Variants in DPP10 observed in about 807,000 individuals in gnomAD.
DPP10 encodes the protein dipeptidyl peptidase like 10, also known as inactive dipeptidyl peptidase 10.
DPP10 carries 33 observed loss-of-function variants against 120.9 expected under a neutral mutation model. The ratio of observed to expected loss-of-function variants is 0.27; its 90% CI spans 0.21 to 0.37. The LOEUF (loss-of-function observed/expected upper bound fraction) is 0.37, where lower values mean the gene tolerates loss of function less well. DPP10 is among the 10% of genes least tolerant of loss of function. The pLI is 1.00. For synonymous variants in DPP10, 337 were observed against 326.1 expected (o/e 1.03, Z -0.36); for missense variants, 816 against 942.8 (o/e 0.87, Z 1.76).
chr2:115,409,839 G>T (rs924901249), intron 3 of DPP10, among the ~76,000 whole-genome samples: 2 of 152,128 alleles, frequency 1.3e-5, no homozygotes, highest in African/African-American at 2.4e-5. Context: ...GCCATAAAAA[G>T]AAACAAAATA....
At chr2:115,479,484 G>C (rs1477276277) in intron 3 of DPP10, among the ~76,000 whole-genome samples, 1 of 152,082 alleles carries the variant, frequency 6.6e-6, no homozygotes. Context: ...AAGATAGGTG[G>C]TGGCAATGGT....
chr2:114,622,609 G>C (rs1436055472), intron 1 of DPP10, among the ~76,000 whole-genome samples: 1 of 151,954 alleles, frequency 6.6e-6, no homozygotes, highest in Non-Finnish European at 1.5e-5. Context: ...CAACTCTAGG[G>C]GTGAACAATC....
intron 3 of DPP10, among the ~76,000 whole-genome samples, chr2:115,483,005 A>G: frequency 6.6e-6 from 1 of 152,070 alleles, no homozygotes; most frequent in Non-Finnish European, 1.5e-5. Flanking sequence ...AGTCTTATTC[A>G]AAGTAATTGG....
At chr2:115,393,310 CAAA>C (rs3980955) in intron 3 of DPP10, among the ~76,000 whole-genome samples, 3,059 of 144,428 alleles carry the variant, frequency 0.021, 57 homozygotes, top group Non-Finnish European at 0.03. Flanking sequence ...AAGACTGTCT[CAAA>C]AAAAAAAAAA....
chr2:115,272,966 A>G (rs995970468), intron 1 of DPP10, among the ~76,000 whole-genome samples: 10 of 152,312 alleles, frequency 6.6e-5, no homozygotes, highest in African/African-American at 2.2e-4. Context: ...GCACTGTAAC[A>G]TGCTATTATT....
At chr2:115,232,966 C>A (rs1365321338) in intron 1 of DPP10, among the ~76,000 whole-genome samples, 1 of 152,006 alleles carries the variant, frequency 6.6e-6, no homozygotes, top group African/African-American at 2.4e-5. Flanking sequence ...TAATCACTTG[C>A]AATAGCTAAT....
intron 1 of DPP10, among the ~76,000 whole-genome samples, chr2:114,536,262 A>G (rs567154173): frequency 6.6e-6 from 1 of 152,102 alleles, no homozygotes; most frequent in Admixed American, 6.6e-5. Flanking sequence ...CTGCCAACAG[A>G]TGAATCTTTT....
chr2:115,513,468 TCTCA>T (rs1409223077), intron 4 of DPP10, among the ~76,000 whole-genome samples: 1 of 151,986 alleles, frequency 6.6e-6, no homozygotes, highest in African/African-American at 2.4e-5. Context: ...TTCTTGGATT[TCTCA>T]CTCCTTTTTT....
At chr2:115,580,135 C>T (rs2081931571) in intron 5 of DPP10, 1 of 152,160 alleles carries the variant, frequency 6.6e-6, no homozygotes, top group Non-Finnish European at 1.5e-5. Context: ...AGGATATGGT[C>T]TTGTTCCTTT....
intron 1 of DPP10, among the ~76,000 whole-genome samples, chr2:115,120,952 A>C (rs960884364): frequency 1.3e-5 from 2 of 152,242 alleles, no homozygotes; most frequent in Non-Finnish European, 2.9e-5. Context: ...CTGTGCAAGT[A>C]CTACGAAGAG....
At chr2:114,834,676 CACACCTAT>C (rs1687511701) in intron 1 of DPP10, among the ~76,000 whole-genome samples, 2 of 130,172 alleles carry the variant, frequency 1.5e-5, no homozygotes, top group Non-Finnish European at 1.6e-5. Context: ...GCCATATCTA[CACACCTAT>C]GTATATATAA....
In DPP10 at chr2:114,712,247, G is replaced by C. The variant is rs531495634; in HGVS notation, c.60+269409G>C. Among the ~76,000 whole-genome samples, 8 of 152,296 alleles carry C rather than the reference G, an allele frequency of 5.3e-5. No homozygotes were observed. In the South Asian group the frequency reaches 1.7e-3, roughly 32 times the overall value. On this transcript the variant is annotated intron_variant, in intron 1 of 25. Coordinates refer to ENST00000410059, the MANE Select transcript of DPP10 (RefSeq NM_020868.6). ...AGGCATGAGAATTGCTTGAACTCAG[G>C]AGATGGAGGTTGCAGTGAGCCGAGA...
At chr2:115,005,698 C>G (rs1701771222) in intron 1 of DPP10, among the ~76,000 whole-genome samples, 1 of 151,824 alleles carries the variant, frequency 6.6e-6, no homozygotes, top group East Asian at 1.9e-4. Flanking sequence ...GCAAAGCCTC[C>G]AAGAAATATG....
At chr2:114,902,475 G>A (rs1413146657) in intron 1 of DPP10, among the ~76,000 whole-genome samples, 1 of 151,992 alleles carries the variant, frequency 6.6e-6, no homozygotes, top group African/African-American at 2.4e-5. Flanking sequence ...GATTGCTATT[G>A]CTTTAAAATA....
chr2:115,468,306 G>C (rs370355193), intron 3 of DPP10: 1 of 514,654 alleles, frequency 1.9e-6, no homozygotes, highest in African/African-American at 1.9e-5. Flanking sequence ...TGGCCAGAGG[G>C]CTCTGCCAAA....
At chr2:115,805,889 A>G (rs993345374) in intron 19 of DPP10, among the ~76,000 whole-genome samples, 17 of 152,066 alleles carry the variant, frequency 1.1e-4, no homozygotes, top group Admixed American at 4.6e-4. Context: ...CTGTGCTTTC[A>G]TAAGAACTTG....
chr2:114,976,403 T>C (rs1318597624), intron 1 of DPP10, among the ~76,000 whole-genome samples: 1 of 152,240 alleles, frequency 6.6e-6, no homozygotes, highest in Non-Finnish European at 1.5e-5. Context: ...TTTTAATGTA[T>C]TTCTTGGCTG....
intron 3 of DPP10, among the ~76,000 whole-genome samples, chr2:115,382,102 G>T (rs561670507): frequency 6.6e-6 from 1 of 151,996 alleles, no homozygotes; most frequent in African/African-American, 2.4e-5. Flanking sequence ...GGAGCTTCCC[G>T]GCTGCTTTGT....
chr2:114,754,075 G>T (rs192604454), intron 1 of DPP10, among the ~76,000 whole-genome samples: 2 of 152,202 alleles, frequency 1.3e-5, no homozygotes, highest in East Asian at 1.9e-4. Flanking sequence ...TCTAAAAATC[G>T]CAGTTCAAAC....
Sources: allele counts gnomAD v4.1 joint callset (sites outside exome capture counted in the v4.1 genomes callset), GRCh38; gene constraint gnomAD v4.1.1; transcripts MANE v1.5; gene names NCBI Gene and HGNC (gene_info 2026-07-23, HGNC 2026-07-21).